NEGR1: variants seen among roughly 807,000 people sequenced by gnomAD.
The protein encoded by NEGR1 is neuronal growth regulator 1.
NEGR1 carries 10 observed loss-of-function variants against 40.9 expected under a neutral mutation model. The ratio of observed to expected loss-of-function variants is 0.24; its 90% CI spans 0.15 to 0.42. The LOEUF (loss-of-function observed/expected upper bound fraction) is 0.42, where lower values mean the gene tolerates loss of function less well. NEGR1 is among the 10% of genes least tolerant of loss of function. NEGR1 has a pLI of 1.00. For synonymous variants in NEGR1, 185 were observed against 166.8 expected (o/e 1.11, Z -0.84); for missense variants, 352 against 438.9 (o/e 0.80, Z 1.77).
At chr1:72,078,637 ATT>A (rs1491503210) in intron 1 of NEGR1, among the ~76,000 whole-genome samples, 23 of 136,738 alleles carry the variant, frequency 1.7e-4, no homozygotes, top group African/African-American at 6.2e-4. Flanking sequence ...ATATATATAT[ATT>A]TATTTATTTT....
intron 1 of NEGR1, among the ~76,000 whole-genome samples, chr1:72,134,256 T>C (rs932688410): frequency 3.3e-5 from 5 of 150,956 alleles, no homozygotes; most frequent in African/African-American, 1.2e-4. Context: ...TTGCCCAGGC[T>C]GGAGTGTGTC....
intron 1 of NEGR1, among the ~76,000 whole-genome samples, chr1:72,071,511 CA>C (rs935395690): frequency 2.0e-5 from 3 of 151,932 alleles, no homozygotes; most frequent in African/African-American, 7.2e-5. Flanking sequence ...TTCATCCAGG[CA>C]AAAAATTTAG....
At chr1:71,533,285 G>A (rs1297400054) in intron 6 of NEGR1, among the ~76,000 whole-genome samples, 4 of 151,508 alleles carry the variant, frequency 2.6e-5, no homozygotes, top group Non-Finnish European at 5.9e-5. Context: ...CTTCCTCTTA[G>A]AGGATGTCAG....
At chr1:71,746,739 C>T (rs1481556736) in intron 3 of NEGR1, among the ~76,000 whole-genome samples, 1 of 151,294 alleles carries the variant, frequency 6.6e-6, no homozygotes, top group Non-Finnish European at 1.5e-5. Context: ...CATACACACA[C>T]ATGTACACAC....
chr1:72,124,026 A>G (rs1649910171), intron 1 of NEGR1, among the ~76,000 whole-genome samples: 1 of 152,058 alleles, frequency 6.6e-6, no homozygotes, highest in Non-Finnish European at 1.5e-5. Flanking sequence ...TCATTTATAT[A>G]GTTTGTATAA....
chr1:72,178,695 T>TG (rs1652259941), intron 1 of NEGR1, among the ~76,000 whole-genome samples: 1 of 151,750 alleles, frequency 6.6e-6, no homozygotes, highest in Admixed American at 6.6e-5. Flanking sequence ...GTCTGTTTTT[T>TG]TTTGTTTGTT....
intron 3 of NEGR1, among the ~76,000 whole-genome samples, chr1:71,712,977 A>C (rs2101645245): frequency 6.6e-6 from 1 of 152,282 alleles, no homozygotes; most frequent in South Asian, 2.1e-4. Context: ...AGCCTGTGGA[A>C]CTGTGAGTCA....
At chr1:71,530,590 C>T (rs1418321452) in intron 6 of NEGR1, among the ~76,000 whole-genome samples, 4 of 151,282 alleles carry the variant, frequency 2.6e-5, no homozygotes, top group African/African-American at 9.7e-5. Context: ...TTCAATTCAA[C>T]ACGTATTTAT....
intron 2 of NEGR1, among the ~76,000 whole-genome samples, chr1:71,796,808 G>A (rs976101248): frequency 6.6e-6 from 1 of 152,124 alleles, no homozygotes; most frequent in Non-Finnish European, 1.5e-5. Context: ...AAATTGCTTA[G>A]TACCAAATAA....
intron 1 of NEGR1, among the ~76,000 whole-genome samples, chr1:72,281,981 C>A (rs182917331): frequency 6.6e-6 from 1 of 152,244 alleles, no homozygotes; most frequent in African/African-American, 2.4e-5. Flanking sequence ...ACTTGTCAGA[C>A]TCTCCAGGAG....
At chr1:72,073,366 T>TA (rs1289495227) in intron 1 of NEGR1, among the ~76,000 whole-genome samples, 1 of 152,116 alleles carries the variant, frequency 6.6e-6, no homozygotes, top group African/African-American at 2.4e-5. Flanking sequence ...ATGATCTAGG[T>TA]AATGCATCAA....
chr1:71,766,737 G>A (rs551357224), intron 3 of NEGR1, among the ~76,000 whole-genome samples: 1 of 152,308 alleles, frequency 6.6e-6, no homozygotes, highest in East Asian at 1.9e-4. Context: ...AATCCTCAAT[G>A]TTGGAGGTGG....
intron 1 of NEGR1, among the ~76,000 whole-genome samples, chr1:71,999,698 G>A (rs1380440309): frequency 2.0e-5 from 2 of 97,736 alleles, no homozygotes; most frequent in African/African-American, 7.9e-5. Flanking sequence ...TTTTTGTCCG[G>A]TCTCGGAGCC....
intron 2 of NEGR1, among the ~76,000 whole-genome samples, chr1:71,786,300 T>G (rs1656906341): frequency 6.6e-6 from 1 of 152,172 alleles, no homozygotes; most frequent in Non-Finnish European, 1.5e-5. Context: ...TATGTTTATA[T>G]AGATCCTAGA....
chr1:71,694,816 G>T (rs1004146662), intron 4 of NEGR1, among the ~76,000 whole-genome samples: 8 of 151,830 alleles, frequency 5.3e-5, no homozygotes, highest in Admixed American at 2.0e-4. Context: ...TTGGGGAAAG[G>T]GGCAAAGTTT....
intron 1 of NEGR1, among the ~76,000 whole-genome samples, chr1:72,219,108 T>C (rs1653925581): frequency 6.6e-6 from 1 of 152,076 alleles, no homozygotes. Context: ...ATAGGTCTGT[T>C]TTCTTACACC....
chr1:72,087,570 A>G (rs1198157810), intron 1 of NEGR1, among the ~76,000 whole-genome samples: 1 of 151,842 alleles, frequency 6.6e-6, no homozygotes, highest in Non-Finnish European at 1.5e-5. Context: ...AAACAACAGT[A>G]TAACTCTATA....
chr1:72,143,913 T>A (rs990011674), intron 1 of NEGR1, among the ~76,000 whole-genome samples: 1 of 98,532 alleles, frequency 1.0e-5, no homozygotes, highest in South Asian at 2.8e-4. Flanking sequence ...ATGATATATA[T>A]AATATATATA....
At chr1:71,914,867 T>G (rs555834843) in intron 2 of NEGR1, among the ~76,000 whole-genome samples, 10 of 152,282 alleles carry the variant, frequency 6.6e-5, no homozygotes, top group African/African-American at 2.4e-4. Flanking sequence ...TAGATACTCA[T>G]GATGCCATCA....
Sources: allele counts gnomAD v4.1 joint callset (sites outside exome capture counted in the v4.1 genomes callset), GRCh38; gene constraint gnomAD v4.1.1; transcripts MANE v1.5; gene names NCBI Gene and HGNC (gene_info 2026-07-23, HGNC 2026-07-21).